The following TRIM34 variants were observed in gnomAD, a reference collection of about 807,000 sequenced individuals.
The protein encoded by TRIM34 is E3 ubiquitin-protein ligase TRIM34.
TRIM34 carries 41 observed loss-of-function variants against 38.1 expected under a neutral mutation model. That is an observed-to-expected ratio of 1.08 (90% CI 0.84 to 1.40). The LOEUF (loss-of-function observed/expected upper bound fraction) is 1.40, where lower values mean the gene tolerates loss of function less well. Among genes scored for constraint, TRIM34 ranks in the 40% most tolerant of loss-of-function variants. The pLI is 0.00. For synonymous variants in TRIM34, 200 were observed against 202.5 expected, an observed-to-expected ratio of 0.99 and a Z score of 0.10; for missense variants, 556 against 571.4, an observed-to-expected ratio of 0.97 and a Z score of 0.27.
chr11:5,636,540 A>G (rs2133939549), intron 4 of TRIM34, among the ~76,000 whole-genome samples: 1 of 152,334 alleles, frequency 6.6e-6, no homozygotes, highest in Middle Eastern at 3.4e-3. Context: ...AGTAAAAACA[A>G]AAACAAAAAG....
chr11:5,641,746 A>G (rs745980051), intron 5 of TRIM34, among the ~76,000 whole-genome samples: 1 of 152,212 alleles, frequency 6.6e-6, no homozygotes, highest in East Asian at 1.9e-4. Flanking sequence ...CTCCTATGGA[A>G]AAGTGTAGTC....
chr11:5,632,730 G>A lies in TRIM34; in HGVS notation c.399G>A (p.Thr133=), dbSNP rs12098988. The A allele has an allele frequency of 3.7e-3, 5,971 of 1,607,418 alleles. 186 individuals carry two copies. In the African/African-American group the frequency reaches 0.069, roughly 19 times the overall value. The stretch of plus-strand genomic sequence containing the variant: ...ACCGTGGTCACCACACAGTCCTCAC[G>A]GAGGAAGTATTCAAGGAATGTCAGG... ...QEHRGHHTVL[T]EEVFKECQEK... Residue 133 remains threonine (T), a synonymous_variant, in exon 2 of 8, where the codon ACG becomes ACA. Transcript: ENST00000429814.
chr11:5,623,534 AT>A (rs372066980), upstream of TRIM34, among the ~76,000 whole-genome samples: 140 of 126,612 alleles, frequency 1.1e-3, no homozygotes, highest in East Asian at 5.1e-3. Context: ...TGCCCGGCTA[AT>A]TTTTTTTTTT....
chr11:5,620,279 T>G (rs563335668), upstream of TRIM34, among the ~76,000 whole-genome samples: 5 of 145,320 alleles, frequency 3.4e-5, no homozygotes, highest in South Asian at 8.8e-4. Context: ...CTGGGTTCTA[T>G]GGATTCTCCT....
intron 1 of TRIM34, among the ~76,000 whole-genome samples, chr11:5,630,851 G>C (rs935307781): frequency 1.3e-5 from 2 of 152,118 alleles, no homozygotes; most frequent in African/African-American, 2.4e-5. Context: ...AATACCATCT[G>C]TTCATTACTC....
chr11:5,620,466 G>A (rs932965361), upstream of TRIM34, among the ~76,000 whole-genome samples: 1 of 152,028 alleles, frequency 6.6e-6, no homozygotes, highest in Non-Finnish European at 1.5e-5. Flanking sequence ...CTCCTATAGT[G>A]CTGGGATTAC....
chr11:5,639,679 CA>C (rs58134807), intron 4 of TRIM34, among the ~76,000 whole-genome samples: 7,905 of 49,984 alleles, frequency 0.16, 76 homozygotes, highest in South Asian at 0.26. Flanking sequence ...GACTCTATTT[CA>C]AAAAAAAAAA....
chr11:5,640,971 G>A (rs1172785663), intron 4 of TRIM34, among the ~76,000 whole-genome samples, 196 bp from the exon 5 acceptor site: 1 of 151,170 alleles, frequency 6.6e-6, no homozygotes, highest in African/African-American at 2.4e-5. Flanking sequence ...TTTCCTTAAG[G>A]TCAGTAGTAA....
intron 4 of TRIM34, among the ~76,000 whole-genome samples, chr11:5,636,256 G>C (rs1849730358): frequency 6.6e-6 from 1 of 152,112 alleles, no homozygotes; most frequent in Non-Finnish European, 1.5e-5. Context: ...CATTATAATT[G>C]AAAGAAGGCA....
chr11:5,643,089 T>C (rs1340259223), intron 7 of TRIM34, 55 bp from the exon 8 acceptor site: 13 of 1,266,502 alleles, frequency 1.0e-5, no homozygotes, highest in Non-Finnish European at 1.3e-5. Context: ...ATCATATATA[T>C]CACACAGATG....
intron 6 of TRIM34, 61 bp from the exon 7 acceptor site, chr11:5,642,756 T>G: frequency 1.2e-6 from 2 of 1,604,330 alleles, no homozygotes; most frequent in Admixed American, 3.4e-5. Flanking sequence ...AAAGAATATA[T>G]AGGTATCAGT....
chr11:5,641,666 C>T (rs982759806), intron 5 of TRIM34, among the ~76,000 whole-genome samples: 3 of 152,090 alleles, frequency 2.0e-5, no homozygotes, highest in Non-Finnish European at 2.9e-5. Context: ...AAAGTAGACT[C>T]GAGCCTCAGG....
At chr11:5,642,352 G>C in intron 5 of TRIM34, 54 bp from the exon 6 acceptor site, 1 of 1,504,670 alleles carries the variant, frequency 6.6e-7, no homozygotes. Flanking sequence ...TGATGTGGGA[G>C]GGATGGACAC....
upstream of TRIM34, among the ~76,000 whole-genome samples, chr11:5,622,393 C>T (rs1240338345): frequency 6.7e-6 from 1 of 150,168 alleles, no homozygotes; most frequent in African/African-American, 2.5e-5. Context: ...TGTAGTGAGC[C>T]GAGATCACGC....
At chr11:5,642,533 G>T (rs764195146) in intron 6 of TRIM34, 27 bp downstream of exon 6, 2 of 1,611,024 alleles carry the variant, frequency 1.2e-6, no homozygotes, top group Non-Finnish European at 1.7e-6. Flanking sequence ...AAAGACTGTG[G>T]ATGTGGGATT....
intron 3 of TRIM34, 91 bp from the exon 4 acceptor site, chr11:5,634,540 T>G (rs1056500136): frequency 2.3e-6 from 2 of 853,560 alleles, no homozygotes; most frequent in Admixed American, 3.0e-5. Context: ...CATATATATA[T>G]ATATATATTT....
Position 5,634,795 on chromosome 11 carries a change from G to T in TRIM34, c.684G>T (p.Gln228His). 6.2e-7 allele frequency: 1 copy of T among 1,613,918 alleles called. No individual in the cohort carries two copies. The highest frequency in any genetic ancestry group is 8.5e-7 in the Non-Finnish European group (1 of 1,179,856). ...AGGATGAGCTAGTTCAGCAGAAGCA[G>T]TTGGTGAGAGAGCTCATCTCAGATG... ...EAEDELVQQK[Q>H]LVRELISDVE... Residue 228 changes from glutamine to histidine, a missense_variant, in exon 4 of 8, where the codon CAG (glutamine) becomes CAT (histidine). Coordinates refer to ENST00000429814, the MANE Select transcript of TRIM34 (RefSeq NM_021616.6).
intron 1 of TRIM34, among the ~76,000 whole-genome samples, chr11:5,629,860 G>A (rs540746686): frequency 3.9e-5 from 6 of 152,118 alleles, no homozygotes; most frequent in East Asian, 1.9e-4. Flanking sequence ...GGCGCCCGCC[G>A]CCACCCCTGG....
intron 1 of TRIM34, 146 bp from the exon 2 acceptor site, chr11:5,632,109 C>G (rs915802594): frequency 8.7e-7 from 1 of 1,155,394 alleles, no homozygotes; most frequent in African/African-American, 1.6e-5. Flanking sequence ...AACAGCTCGC[C>G]CAGACCACTT....
Sources: gnomAD v4.1 joint callset for allele counts (sites outside exome capture counted in the v4.1 genomes callset) on GRCh38, gnomAD v4.1.1 for gene constraint, MANE v1.5 for transcripts, NCBI Gene and HGNC (gene_info 2026-07-23, HGNC 2026-07-21) for gene names.